Variants in AIG1 observed in about 807,000 individuals in gnomAD.
AIG1 encodes the protein androgen induced 1.
AIG1 carries 23 observed loss-of-function variants against 31.4 expected under a neutral mutation model. That is an observed-to-expected ratio of 0.73 (90% confidence interval 0.53 to 1.04). The LOEUF is 1.04. Ranked by LOEUF, AIG1 falls within the 50% of genes least tolerant of loss-of-function variation. AIG1 has a pLI of 0.00. For missense variants in AIG1, 274 were observed against 295.0 expected, an observed-to-expected ratio of 0.93 and a Z score of 0.52; for synonymous variants, 100 against 110.5, an observed-to-expected ratio of 0.90 and a Z score of 0.60.
intron 2 of AIG1, among the ~76,000 whole-genome samples, chr6:143,157,451 C>CT (rs5880557): frequency 2.6e-3 from 356 of 134,678 alleles, no homozygotes; most frequent in South Asian, 0.013. Flanking sequence ...TTTTTTTTTC[C>CT]TTTTTTTTTT....
rs1776734597 is a variant in AIG1, at chr6:143,327,779, C to A, written c.516-5503C>A. ...AAGATGACTTGCAATGTTTGAGTTA[C>A]AAAACTGAATGAATGATAGTACTAT... On this transcript the variant is annotated intron_variant, in intron 4 of 5. Transcript: ENST00000357847. The surrounding 1 kb of genome is among the most constrained non-coding windows in gnomAD (Gnocchi z 5.3). 1 of 167,352 alleles carries A rather than the reference C, an allele frequency of 6.0e-6. No individual in the cohort carries two copies. The highest frequency in any genetic ancestry group is 1.3e-5 in the Non-Finnish European group (1 of 79,456). The allele number at this position is 167,352 out of a possible 1,614,324, so 10.4% of individuals were successfully genotyped here.
intron 1 of AIG1, among the ~76,000 whole-genome samples, chr6:143,078,098 G>T (rs1777895952): frequency 6.6e-6 from 1 of 151,872 alleles, no homozygotes; most frequent in Admixed American, 6.6e-5. Flanking sequence ...AATTTCTATT[G>T]ATCAATCTTC....
In AIG1 at chr6:143,087,940, C is replaced by T. The variant is rs9403439; in HGVS notation, c.141+26874C>T. On this transcript the variant is annotated intron_variant, in intron 1 of 5. Transcript: ENST00000357847. ...ACTGCAGATCTTTCGCCACATATCTCATAAATATAAGTGACTAGCTGTCTT... is the reference window on the plus strand; with the variant it reads ...ACTGCAGATCTTTCGCCACATATCTTATAAATATAAGTGACTAGCTGTCTT... Among the ~76,000 whole-genome samples, 425 of 152,282 alleles carry T rather than the reference C, an allele frequency of 2.8e-3. 10 individuals are homozygous for T. In the East Asian group the frequency reaches 0.049, roughly 18 times the overall value.
At chr6:143,193,899 T>A (rs1000623499) in intron 3 of AIG1, among the ~76,000 whole-genome samples, 27 of 152,158 alleles carry the variant, frequency 1.8e-4, no homozygotes, top group African/African-American at 6.5e-4. Context: ...AGGAGGAAAG[T>A]GAGGAAATAA....
At chr6:143,307,317 C>T (rs1250398300) in intron 4 of AIG1, among the ~76,000 whole-genome samples, 2 of 152,130 alleles carry the variant, frequency 1.3e-5, no homozygotes, top group African/African-American at 4.8e-5. Flanking sequence ...GTTTTTTCCC[C>T]ATCTTTGTGG....
At position 143,210,160 on chromosome 6, in the gene AIG1, C is replaced by T. The variant is rs564299050; in HGVS notation, c.399+44977C>T. Reference sequence around the variant, plus strand: ...TTATAAGGGGCTTTTCCCCCTTCTGCTCATTCTTCTCCTCCTGCCACCATG... The same window carrying T: ...TTATAAGGGGCTTTTCCCCCTTCTGTTCATTCTTCTCCTCCTGCCACCATG... On this transcript the variant is annotated intron_variant, in intron 3 of 5. Transcript: ENST00000357847. 3.9e-5 allele frequency among the ~76,000 whole-genome samples: 6 copies of T among 152,316 alleles called. No individual in the cohort carries two copies. In the South Asian group the frequency reaches 1.2e-3, roughly 32 times the overall value.
chr6:143,120,267 T>G (rs1782130386), intron 1 of AIG1, among the ~76,000 whole-genome samples: 1 of 152,136 alleles, frequency 6.6e-6, no homozygotes, highest in South Asian at 2.1e-4. Flanking sequence ...CTGAGGCAGA[T>G]GTTGTGGGTA....
chr6:143,126,757 A>G (rs1562402518), intron 1 of AIG1, among the ~76,000 whole-genome samples: 1 of 152,194 alleles, frequency 6.6e-6, no homozygotes, highest in Non-Finnish European at 1.5e-5. Flanking sequence ...GGAAGGTCTC[A>G]AGCTCACACC....
intron 1 of AIG1, among the ~76,000 whole-genome samples, chr6:143,125,417 A>G (rs1782609641): frequency 6.6e-6 from 1 of 152,232 alleles, no homozygotes; most frequent in Non-Finnish European, 1.5e-5. Flanking sequence ...GTACATAGCA[A>G]TCAATAATTA....
intron 4 of AIG1, among the ~76,000 whole-genome samples, chr6:143,305,657 T>C (rs1314992361): frequency 6.6e-6 from 1 of 151,886 alleles, no homozygotes. Context: ...ATGTGGTCAA[T>C]TTTGGAATAG....
At chr6:143,130,162 C>T (rs1783084153) in intron 1 of AIG1, among the ~76,000 whole-genome samples, 1 of 151,876 alleles carries the variant, frequency 6.6e-6, no homozygotes, top group Non-Finnish European at 1.5e-5. Context: ...ATCTCTTGAC[C>T]TCGTGATCCA....
chr6:143,241,794 A>G (rs1794260508), intron 3 of AIG1, among the ~76,000 whole-genome samples: 1 of 152,234 alleles, frequency 6.6e-6, no homozygotes, highest in Non-Finnish European at 1.5e-5. Context: ...TTGAGAACTG[A>G]TAAGACACCC....
At chr6:143,336,164 A>G (rs1777472348) in intron 5 of AIG1, among the ~76,000 whole-genome samples, 1 of 152,158 alleles carries the variant, frequency 6.6e-6, no homozygotes, top group African/African-American at 2.4e-5. Context: ...AGTATTTCAC[A>G]TCAGTTACTA....
chr6:143,236,960 G>C (rs781441981), intron 3 of AIG1, among the ~76,000 whole-genome samples: 22 of 152,004 alleles, frequency 1.4e-4, no homozygotes, highest in Non-Finnish European at 2.6e-4. Context: ...CAGAAACCCA[G>C]TGAAGGAGGT....
intron 2 of AIG1, among the ~76,000 whole-genome samples, chr6:143,150,971 A>G (rs1785173406): frequency 6.6e-6 from 1 of 152,200 alleles, no homozygotes; most frequent in African/African-American, 2.4e-5. Flanking sequence ...TTGACAGGGA[A>G]TTCAGGTAGA....
In AIG1 at chr6:143,299,988, G is replaced by A. The variant is rs544354286; in HGVS notation, c.515+15763G>A. Among the ~76,000 whole-genome samples, 4 of 152,210 alleles carry A rather than the reference G, an allele frequency of 2.6e-5. No individual in the cohort carries two copies. Among genetic ancestry groups the A allele is most frequent in the East Asian group, 1.9e-4 (1 of 5,178 alleles). On this transcript the variant is annotated intron_variant, in intron 4 of 5. Coordinates refer to ENST00000357847, the MANE Select transcript of AIG1 (RefSeq NM_016108.4). The surrounding 1 kb of genome is among the most constrained non-coding windows in gnomAD (Gnocchi z 4.1). Reference sequence around the variant, plus strand: ...CTGACACTGCTGTGAAACATCCACCGTGCACCACCACCGGGCTAGAATCTT... The same window carrying A: ...CTGACACTGCTGTGAAACATCCACCATGCACCACCACCGGGCTAGAATCTT...
intron 4 of AIG1, among the ~76,000 whole-genome samples, chr6:143,303,597 G>A (rs1218976951): frequency 1.4e-3 from 207 of 150,856 alleles, no homozygotes; most frequent in African/African-American, 4.6e-3. Flanking sequence ...CTCTGTTTTG[G>A]TACCAGTACC....
chr6:143,284,207 C>G lies in AIG1; in HGVS notation c.497C>G (p.Ser166Cys). 2 of 1,612,324 alleles carry G rather than the reference C, an allele frequency of 1.2e-6. No homozygotes were observed. The highest frequency in any genetic ancestry group is 1.7e-6 in the Non-Finnish European group (2 of 1,178,530). ...SSGLTAICTF[S>C]VGYILWVCWV... Reference sequence around the variant, plus strand: ...GGACTTACCGCCATATGTACCTTCTCTGTTGGCTATATATTATGGTAAGGA... The same window carrying G: ...GGACTTACCGCCATATGTACCTTCTGTGTTGGCTATATATTATGGTAAGGA... Residue 166 changes from serine to cysteine, a missense_variant, in exon 4 of 6, where the codon TCT becomes TGT. Transcript: ENST00000357847. This position sits in a 1 kb window ranked among gnomAD's most constrained non-coding sequence, Gnocchi z 4.4.
intron 3 of AIG1, among the ~76,000 whole-genome samples, chr6:143,250,151 T>A (rs1794911998): frequency 6.6e-6 from 1 of 152,232 alleles, no homozygotes; most frequent in South Asian, 2.1e-4. Context: ...AGCAGGTGCA[T>A]GGGCCCTAGG....
Sources: allele counts gnomAD v4.1 joint callset (sites outside exome capture counted in the v4.1 genomes callset), GRCh38; gene constraint gnomAD v4.1.1; non-coding constraint Gnocchi (gnomAD v3.1); transcripts MANE v1.5; gene names NCBI Gene and HGNC (gene_info 2026-07-23, HGNC 2026-07-21).